The following U2SURP variants were observed in gnomAD, a reference collection of about 807,000 sequenced individuals.
The protein encoded by U2SURP is U2 snRNP-associated SURP motif-containing protein.
U2SURP carries 9 observed loss-of-function variants against 144.9 expected under a neutral mutation model. The ratio of observed to expected loss-of-function variants is 0.06; its 90% confidence interval spans 0.04 to 0.11. The LOEUF is 0.11. U2SURP is among the 10% of genes least tolerant of loss of function. The pLI is 1.00. For missense variants in U2SURP, 724 were observed against 1,226.7 expected (o/e 0.59, Z 6.12); for synonymous variants, 408 against 396.8 (o/e 1.03, Z -0.33).
Position 143,048,925 on chromosome 3 carries a change from C to T in U2SURP, c.2545-2014C>T, listed in dbSNP as rs1185942884. ...ATGGAAAAAGGACAGAATTGGAGAACGTATAAGAAACATTCATGAAGTCAA... is the reference window on the plus strand; with the variant it reads ...ATGGAAAAAGGACAGAATTGGAGAATGTATAAGAAACATTCATGAAGTCAA... On this transcript the variant is annotated intron_variant, in intron 24 of 27. Transcript: ENST00000473835. Among the ~76,000 whole-genome samples, 9 of 151,638 alleles carry T rather than the reference C, an allele frequency of 5.9e-5. No individual in the cohort carries two copies. The East Asian group carries it at 7.7e-4, about 13-fold the overall frequency.
At position 143,024,146 on chromosome 3, in the gene U2SURP, C is replaced by CG. The variant is rs529923931; in HGVS notation, c.1274+134dup. ...AATGGTTCCTTCCCAGTACTTTTTGCGGGGGGATGTGTGAAATTTAACTAA... is the reference window on the plus strand; with the variant it reads ...AATGGTTCCTTCCCAGTACTTTTTGCGGGGGGGATGTGTGAAATTTAACTAA... On this transcript the variant is annotated intron_variant, in intron 13 of 27. Transcript: ENST00000473835. The CG allele has an allele frequency of 1.5e-4, 117 of 798,908 alleles. No homozygotes were observed. In the South Asian group the frequency reaches 1.9e-3, roughly 13 times the overall value. 49.5% of individuals were successfully genotyped at this position (798,908 alleles called of 1,614,324 possible). A position where few individuals can be genotyped will look rare whatever the true frequency, so the allele number is the denominator to read the frequency against.
intron 8 of U2SURP, among the ~76,000 whole-genome samples, chr3:143,021,027 A>C (rs1394075817): frequency 3.3e-5 from 5 of 152,194 alleles, no homozygotes; most frequent in African/African-American, 1.2e-4. Context: ...CCCTGTCTGT[A>C]CTAAAAATAC....
At position 143,034,903 on chromosome 3, in the gene U2SURP, A is replaced by G. The variant is rs1458967110; in HGVS notation, c.1869A>G (p.Leu623=). 4 of 1,600,294 alleles carry G rather than the reference A, an allele frequency of 2.5e-6. No individual in the cohort carries two copies. The South Asian group carries it at 4.5e-5, about 18-fold the overall frequency. The change falls in exon 19 of 28, where the codon TTA becomes TTG. Residue 623 remains leucine (L), a synonymous_variant. Transcript: ENST00000473835. ...TGAATTTCAGTTTTGAAACAAAGTT[A>G]TGTCAGATATTTTCAGACCTCAATG... The part of the protein sequence containing the change: ...SYYRKFFETK[L]CQIFSDLNAT...
rs1368792648 is a variant in U2SURP, at chr3:143,012,341, G to A, written c.210G>A (p.Gln70=). Reference sequence around the variant, plus strand: ...AAAGCCTTTGTGATTCTCCTCATCAGAATCTCTCAAGAGTGAGTATAGATA... The same window carrying A: ...AAAGCCTTTGTGATTCTCCTCATCAAAATCTCTCAAGAGTGAGTATAGATA... ...ARESLCDSPH[Q]NLSRPLLENK... is the part of the protein sequence containing the mutation. Residue 70 remains glutamine, a synonymous_variant, in exon 3 of 28, where the codon CAG becomes CAA. Transcript: ENST00000473835. 6.2e-7 allele frequency: 1 copy of A among 1,611,284 alleles called. No individual in the cohort carries two copies. The highest frequency in any genetic ancestry group is 8.5e-7 in the Non-Finnish European group (1 of 1,178,604).
intron 16 of U2SURP, among the ~76,000 whole-genome samples, chr3:143,031,309 A>G (rs1490677875): frequency 6.6e-6 from 1 of 152,046 alleles, no homozygotes; most frequent in Non-Finnish European, 1.5e-5. Context: ...TAAAATGTTA[A>G]CAAACAACAA....
At chr3:143,005,536 G>C (rs571670204) in intron 1 of U2SURP, among the ~76,000 whole-genome samples, 4 of 152,162 alleles carry the variant, frequency 2.6e-5, no homozygotes, top group Admixed American at 2.6e-4. Context: ...GTTTTGTTTT[G>C]GTCTGGAAGG....
chr3:143,012,464 T>A, intron 3 of U2SURP, 111 bp downstream of exon 3: 1 of 1,079,348 alleles, frequency 9.3e-7, no homozygotes. Context: ...TTTCATCTTA[T>A]TCTATTTGAA....
At chr3:143,043,924 G>A (rs961700945) in intron 24 of U2SURP, among the ~76,000 whole-genome samples, 5 of 151,468 alleles carry the variant, frequency 3.3e-5, no homozygotes, top group Non-Finnish European at 7.4e-5. Context: ...TCATTTTTTT[G>A]TATTTTTTTT....
rs758135851 is a variant in U2SURP, at chr3:143,035,963, C to T, written c.1942-19C>T. ...ATAGCCCAAAATAAAAGTTTGTTGT[C>T]TGTTTCCTGTTTCTTTAGCAACGGG... is the stretch of plus-strand genomic sequence containing the variant. On this transcript the variant is annotated intron_variant, in intron 19 of 27. Coordinates refer to ENST00000473835, the MANE Select transcript of U2SURP (RefSeq NM_001080415.2). The T allele has an allele frequency of 2.5e-6, 4 of 1,579,278 alleles. No homozygotes were observed. In the African/African-American group the frequency reaches 4.1e-5, roughly 16 times the overall value.
chr3:143,022,429 T>A (rs1327395173), intron 10 of U2SURP, 68 bp from the exon 11 acceptor site: 1 of 1,398,790 alleles, frequency 7.1e-7, no homozygotes, highest in Non-Finnish European at 9.5e-7. Flanking sequence ...AAAACTACTT[T>A]GTTTTCTGAA....
intron 1 of U2SURP, among the ~76,000 whole-genome samples, chr3:143,010,543 G>A (rs1035973639): frequency 3.3e-5 from 5 of 152,268 alleles, no homozygotes; most frequent in Admixed American, 2.6e-4. Flanking sequence ...GGTTTCCAGT[G>A]TATACTATAA....
intron 1 of U2SURP, among the ~76,000 whole-genome samples, chr3:143,004,578 C>T (rs865962613): frequency 1.3e-4 from 10 of 79,216 alleles, no homozygotes; most frequent in African/African-American, 7.4e-4. Flanking sequence ...TTGTGACCCC[C>T]CCCCCCCGCC....
In U2SURP at chr3:143,056,470, G is replaced by A. The variant is rs757529854; in HGVS notation, c.*20G>A. The A allele has an allele frequency of 6.2e-7, 1 of 1,608,892 alleles. No individual in the cohort carries two copies. On this transcript the variant is annotated 3_prime_UTR_variant, in exon 28 of 28. Coordinates refer to ENST00000473835, the MANE Select transcript of U2SURP (RefSeq NM_001080415.2). ...CACTGACGTAAATTTTTAAGATGCTGTCACTTATTGGAAATGCGATTTGTT... is the reference window on the plus strand; with the variant it reads ...CACTGACGTAAATTTTTAAGATGCTATCACTTATTGGAAATGCGATTTGTT...
chr3:143,033,454 C>G lies in U2SURP; in HGVS notation c.1853+104C>G, dbSNP rs188936959. ...TAACATCCTGCAAGAATAAGAAGTA[C>G]AGTCAGCCCTCCATGTCTGTGGGTT... On this transcript the variant is annotated intron_variant, in intron 18 of 27. Transcript: ENST00000473835. The G allele has an allele frequency of 8.2e-6, 5 of 611,376 alleles. No homozygotes were observed. The East Asian group carries it at 1.5e-4, about 18-fold the overall frequency. The allele number at this position is 611,376 out of a possible 1,614,324, so 37.9% of individuals were successfully genotyped here.
At chr3:143,054,920 GT>G in intron 26 of U2SURP, 22 bp from the exon 27 acceptor site, 2 of 1,562,590 alleles carry the variant, frequency 1.3e-6, no homozygotes, top group Non-Finnish European at 1.7e-6. Context: ...TTTATGGAAT[GT>G]TTTGGGGGCT....
intron 1 of U2SURP, 43 bp from the exon 2 acceptor site, chr3:143,010,772 T>A (rs1936082553): frequency 1.3e-6 from 2 of 1,492,774 alleles, no homozygotes; most frequent in Admixed American, 1.8e-5. Context: ...TTTGTTAGTA[T>A]AAGACATTTT....
intron 1 of U2SURP, among the ~76,000 whole-genome samples, chr3:143,002,578 A>T (rs1935592067): frequency 6.6e-6 from 1 of 152,204 alleles, no homozygotes; most frequent in Admixed American, 6.5e-5. Context: ...AAACTTTCCG[A>T]TGCTGATGCA....
intron 4 of U2SURP, among the ~76,000 whole-genome samples, chr3:143,015,863 A>G (rs1936349886): frequency 6.6e-6 from 1 of 152,108 alleles, no homozygotes; most frequent in Non-Finnish European, 1.5e-5. Context: ...TCAACTTCTA[A>G]TACTCATGTT....
At chr3:143,049,860 C>T (rs1316866913) in intron 24 of U2SURP, among the ~76,000 whole-genome samples, 2 of 151,968 alleles carry the variant, frequency 1.3e-5, no homozygotes, top group Non-Finnish European at 2.9e-5. Flanking sequence ...TTTTCCTCTC[C>T]CTGTAACTGA....
Sources: gnomAD v4.1 joint callset for allele counts (sites outside exome capture counted in the v4.1 genomes callset) on GRCh38, gnomAD v4.1.1 for gene constraint, MANE v1.5 for transcripts, NCBI Gene and HGNC (gene_info 2026-07-23, HGNC 2026-07-21) for gene names.